SLC7A7: variants seen among roughly 807,000 people sequenced by gnomAD.
SLC7A7 encodes the protein solute carrier family 7 member 7, also known as Y+L amino acid transporter 1.
In SLC7A7, 39 loss-of-function variants were observed where a neutral mutation model predicts 47.9. That is an observed-to-expected ratio of 0.81 (90% CI 0.63 to 1.06). The LOEUF (loss-of-function observed/expected upper bound fraction) is 1.06. Among genes scored for constraint, SLC7A7 ranks in the 50% least tolerant of loss-of-function variants. The pLI, the probability that SLC7A7 is intolerant of heterozygous loss-of-function variation, is 0.00. For synonymous variants in SLC7A7, 234 were observed against 242.8 expected, an observed-to-expected ratio of 0.96 and a Z score of 0.34; for missense variants, 588 against 632.0, an observed-to-expected ratio of 0.93 and a Z score of 0.75.
In SLC7A7 at chr14:22,774,124, C is replaced by T. The variant is rs764143566; in HGVS notation, c.1246-8G>A. 1 of 1,613,978 alleles carries T rather than the reference C, an allele frequency of 6.2e-7. No homozygotes were observed. The highest frequency in any genetic ancestry group is 1.3e-5 in the African/African-American group (1 of 74,922). On this transcript the variant is annotated splice_polypyrimidine_tract_variant and splice_region_variant and intron_variant, in intron 8 of 9. Coordinates refer to ENST00000674313, the MANE Select transcript of SLC7A7 (RefSeq NM_003982.4). The stretch of plus-strand genomic sequence containing the variant: ...CGGGAAGAAAACGCTGAGCTAAGGG[C>T]ACAGGAAACATAACTGGAGTGGACA...
chr14:22,800,765 C>A lies in SLC7A7; in HGVS notation c.499+12135G>T, dbSNP rs557901969. ...ACTAACCTGGCCAACACGGTGAAAC[C>A]CCGTCTCTACTAAAAATATAAAAAT... On this transcript the variant is annotated intron_variant, in intron 2 of 9. Transcript: ENST00000674313. 3.9e-5 allele frequency among the ~76,000 whole-genome samples: 6 copies of A among 152,136 alleles called. No homozygotes were observed. In the East Asian group the frequency reaches 1.2e-3, roughly 29 times the overall value.
Position 22,776,228 on chromosome 14 carries a change from C to T in SLC7A7, c.861G>A (p.Met287Ile). Reference protein sequence around the residue: ...TNVAYYTVLDMRDILASDAVA... With the variant: ...TNVAYYTVLDIRDILASDAVA... ...CAGCATCACTGGCCAAGATGTCTCT[C>T]ATGTCTAGCACAGTATAATAGGCCA... is the stretch of plus-strand genomic sequence containing the variant. The change falls in exon 5 of 10, where the codon ATG (methionine) becomes ATA (isoleucine). Residue 287 changes from methionine (M) to isoleucine (I), a missense_variant. Coordinates refer to ENST00000674313, the MANE Select transcript of SLC7A7 (RefSeq NM_003982.4). The T allele has an allele frequency of 6.2e-7, 1 of 1,614,208 alleles. No individual in the cohort carries two copies.
rs1400352391 is a variant in SLC7A7, at chr14:22,798,604, C to T, written c.499+14296G>A. 2.0e-5 allele frequency among the ~76,000 whole-genome samples: 3 copies of T among 152,266 alleles called. No individual in the cohort carries two copies. In the East Asian group the frequency reaches 5.8e-4, roughly 29 times the overall value. The stretch of plus-strand genomic sequence containing the variant: ...ACCTAAGGCAGGCTTAACTCTTTTT[C>T]ATAAAATCGTCCCTCAACCTTGGTC... On this transcript the variant is annotated intron_variant, in intron 2 of 9. Coordinates refer to ENST00000674313, the MANE Select transcript of SLC7A7 (RefSeq NM_003982.4).
intron 1 of SLC7A7, among the ~76,000 whole-genome samples, chr14:22,814,261 A>G (rs1566465248): frequency 6.6e-6 from 1 of 151,678 alleles, no homozygotes; most frequent in Non-Finnish European, 1.5e-5. Context: ...AGGCGGGCAG[A>G]TCACCTAAAG....
At chr14:22,777,292 T>C (rs2038632506) in intron 4 of SLC7A7, among the ~76,000 whole-genome samples, 1 of 152,132 alleles carries the variant, frequency 6.6e-6, no homozygotes, top group South Asian at 2.1e-4. Context: ...ATTATCAACA[T>C]TGGCAATTTT....
chr14:22,775,192 C>T (rs920294970), intron 7 of SLC7A7, among the ~76,000 whole-genome samples: 1 of 151,990 alleles, frequency 6.6e-6, no homozygotes, highest in Non-Finnish European at 1.5e-5. Context: ...TCTGTCATGG[C>T]AATCAATCAT....
intron 2 of SLC7A7, among the ~76,000 whole-genome samples, chr14:22,805,191 C>A (rs527900387): frequency 1.3e-5 from 2 of 152,272 alleles, no homozygotes; most frequent in African/African-American, 4.8e-5. Flanking sequence ...GATGGGGAAA[C>A]TCCATATCTA....
chr14:22,775,382 T>C, intron 7 of SLC7A7, 62 bp downstream of exon 7: 1 of 1,278,334 alleles, frequency 7.8e-7, no homozygotes. Flanking sequence ...AACAGTCGCT[T>C]CTGCTGTTAC....
rs1456911554 is a variant in SLC7A7 at position 22,773,550 on chromosome 14, C to G, written c.*60G>C. The stretch of plus-strand genomic sequence containing the variant: ...GAAGTGAGCTTTCCTTTTCAACTTC[C>G]TTAGCTCTAGCCAGTAGACCAGAAA... On this transcript the variant is annotated 3_prime_UTR_variant, in exon 10 of 10. Transcript: ENST00000674313. 6.8e-7 allele frequency: 1 copy of G among 1,459,864 alleles called. No individual in the cohort carries two copies. Among genetic ancestry groups the G allele is most frequent in the East Asian group, 2.3e-5 (1 of 44,162 alleles). 90.4% of individuals were successfully genotyped at this position (1,459,864 alleles called of 1,614,324 possible).
At chr14:22,808,679 T>C (rs771005765) in intron 2 of SLC7A7, among the ~76,000 whole-genome samples, 1 of 152,204 alleles carries the variant, frequency 6.6e-6, no homozygotes, top group Non-Finnish European at 1.5e-5. Context: ...AAACAGTGGC[T>C]GAAGGAATAA....
rs140153939 is a variant in SLC7A7 at position 22,807,999 on chromosome 14, T to C, written c.499+4901A>G. ...CAACGTGGTGAAACCCCGTCTCTAC[T>C]AAAAACACAAAAATTAGCCGGGTGT... On this transcript the variant is annotated intron_variant, in intron 2 of 9. Coordinates refer to ENST00000674313, the MANE Select transcript of SLC7A7 (RefSeq NM_003982.4). Among the ~76,000 whole-genome samples the C allele has an allele frequency of 4.2e-3, 640 of 152,116 alleles. 3 individuals are homozygous for C. The highest frequency in any genetic ancestry group is 0.015 in the African/African-American group (612 of 41,494).
upstream of SLC7A7, among the ~76,000 whole-genome samples, chr14:22,818,425 G>C (rs1376350773): frequency 6.6e-6 from 1 of 151,926 alleles, no homozygotes; most frequent in Non-Finnish European, 1.5e-5. Context: ...TAGCACCCTG[G>C]ACAAGAAGGC....
At chr14:22,803,964 C>T (rs1277396011) in intron 2 of SLC7A7, among the ~76,000 whole-genome samples, 3 of 152,282 alleles carry the variant, frequency 2.0e-5, no homozygotes, top group Non-Finnish European at 4.4e-5. Flanking sequence ...TTCAAACTTT[C>T]TTCTTTTGTT....
intron 7 of SLC7A7, among the ~76,000 whole-genome samples, chr14:22,774,945 G>A (rs73586419): frequency 0.015 from 2,335 of 152,150 alleles, 65 homozygotes; most frequent in African/African-American, 0.054. Flanking sequence ...TTCAGATTAG[G>A]GATACTCAAC....
intron 4 of SLC7A7, among the ~76,000 whole-genome samples, chr14:22,777,941 G>A (rs573273078): frequency 7.2e-5 from 11 of 152,158 alleles, no homozygotes; most frequent in Admixed American, 5.2e-4. Context: ...CAGGCGTGGT[G>A]GCAGGCACCT....
At chr14:22,799,912 T>A (rs965632823) in intron 2 of SLC7A7, among the ~76,000 whole-genome samples, 13 of 152,180 alleles carry the variant, frequency 8.5e-5, no homozygotes, top group African/African-American at 3.1e-4. Flanking sequence ...TTCCATCAAT[T>A]TCTCCCAAAC....
At chr14:22,815,261 G>A (rs1308720725) in intron 1 of SLC7A7, 59 bp downstream of exon 1, 4 of 424,398 alleles carry the variant, frequency 9.4e-6, no homozygotes, top group African/African-American at 2.0e-5. Context: ...CTGCACAGCA[G>A]CAAAGAGGAG....
rs2038684193 is a variant in SLC7A7, at chr14:22,779,835, G to A, written c.625+91C>T. On this transcript the variant is annotated intron_variant, in intron 3 of 9. Transcript: ENST00000674313. ...TGCCCACCGAATAAGGTTATAGTAA[G>A]AAATGAGATAATGCACAAAGAGCAC... 8.4e-6 allele frequency: 10 copies of A among 1,196,616 alleles called. No individual in the cohort carries two copies. The South Asian group carries it at 1.1e-4, about 13-fold the overall frequency. 74.1% of individuals were successfully genotyped at this position (1,196,616 alleles called of 1,614,324 possible). A position where few individuals can be genotyped will look rare whatever the true frequency, so the allele number is the denominator to read the frequency against.
At chr14:22,806,736 G>A (rs1406556442) in intron 2 of SLC7A7, among the ~76,000 whole-genome samples, 1 of 152,020 alleles carries the variant, frequency 6.6e-6, no homozygotes, top group East Asian at 1.9e-4. Flanking sequence ...CCTTCCTAGG[G>A]ATTTAGATTT....
Sources: allele counts gnomAD v4.1 joint callset (sites outside exome capture counted in the v4.1 genomes callset), GRCh38; gene constraint gnomAD v4.1.1; transcripts MANE v1.5; gene names NCBI Gene and HGNC (gene_info 2026-07-23, HGNC 2026-07-21).